Variants in RAB28 observed in about 807,000 individuals in gnomAD.
RAB28 encodes the protein RAB28, member RAS oncogene family.
In RAB28, 24 loss-of-function variants were observed where a neutral mutation model predicts 31.7. The ratio of observed to expected loss-of-function variants is 0.76; its 90% CI spans 0.55 to 1.06. RAB28 has a LOEUF of 1.06. Among genes scored for constraint, RAB28 ranks in the 50% least tolerant of loss-of-function variants. RAB28 has a pLI of 0.00. For synonymous variants in RAB28, 100 were observed against 90.4 expected (o/e 1.11, Z -0.60); for missense variants, 254 against 258.5 (o/e 0.98, Z 0.12).
intron 3 of RAB28, among the ~76,000 whole-genome samples, chr4:13,469,006 T>C (rs1715996660): frequency 1.3e-5 from 2 of 151,970 alleles, no homozygotes; most frequent in African/African-American, 4.8e-5. Flanking sequence ...ACCAAAACTA[T>C]TGACTCTCAG....
intron 4 of RAB28, among the ~76,000 whole-genome samples, chr4:13,437,948 C>T (rs1031645681): frequency 1.3e-5 from 2 of 152,020 alleles, no homozygotes; most frequent in Admixed American, 6.6e-5. Context: ...TCAACCTAGG[C>T]GCACATCAAA....
intron 6 of RAB28, chr4:13,370,972 C>A: frequency 1.0e-6 from 1 of 982,716 alleles, no homozygotes; most frequent in East Asian, 1.1e-4. Context: ...TAGATTTAAA[C>A]CTATCCTCGC....
At chr4:13,390,003 C>T (rs1421154853) in intron 4 of RAB28, among the ~76,000 whole-genome samples, 1 of 152,140 alleles carries the variant, frequency 6.6e-6, no homozygotes, top group Non-Finnish European at 1.5e-5. Flanking sequence ...TGGCACAAGA[C>T]AAGGATTCCT....
intron 2 of RAB28, among the ~76,000 whole-genome samples, chr4:13,477,792 T>C (rs888989600): frequency 6.6e-6 from 1 of 151,500 alleles, no homozygotes; most frequent in Non-Finnish European, 1.5e-5. Flanking sequence ...ATACTATAAA[T>C]CTCGATTTCA....
Position 13,385,381 on chromosome 4 carries a change from A to C in RAB28, c.392-3787T>G, listed in dbSNP as rs553862381. ...CAGTAAGATACTTCACAAGAAGATC[A>C]TCCCCAAGACACATAATCATCAGAT... On this transcript the variant is annotated intron_variant, in intron 4 of 6. Coordinates refer to ENST00000330852, the MANE Select transcript of RAB28 (RefSeq NM_001017979.3). Among the ~76,000 whole-genome samples, 58 of 152,310 alleles carry C rather than the reference A, an allele frequency of 3.8e-4. 1 individual carries two copies. The South Asian group carries it at 0.012, about 30-fold the overall frequency.
intron 4 of RAB28, among the ~76,000 whole-genome samples, chr4:13,458,690 C>A (rs978976521): frequency 4.6e-5 from 7 of 152,092 alleles, no homozygotes; most frequent in Non-Finnish European, 1.0e-4. Context: ...TATAATGGAG[C>A]TTTTATACCG....
chr4:13,433,146 A>G (rs7687705), intron 4 of RAB28, among the ~76,000 whole-genome samples: 8,433 of 151,672 alleles, frequency 0.056, 541 homozygotes, highest in African/African-American at 0.16. Context: ...AAGAAAAAAA[A>G]AAAAGAAAAA....
chr4:13,389,979 T>C (rs1474583230), intron 4 of RAB28, among the ~76,000 whole-genome samples: 2 of 152,168 alleles, frequency 1.3e-5, no homozygotes, highest in Non-Finnish European at 2.9e-5. Context: ...ACTAGAAGCA[T>C]TCCCTTTGAA....
intron 4 of RAB28, among the ~76,000 whole-genome samples, chr4:13,408,948 AATG>A (rs1442516522): frequency 1.3e-5 from 2 of 152,342 alleles, no homozygotes; most frequent in Middle Eastern, 6.8e-3. Context: ...AAAGCATATC[AATG>A]ATATCTTGCA....
chr4:13,406,204 A>C (rs1712075025), intron 4 of RAB28, among the ~76,000 whole-genome samples: 2 of 151,904 alleles, frequency 1.3e-5, no homozygotes, highest in South Asian at 4.2e-4. Context: ...CCCTGTGTCC[A>C]TGTGTTCTTA....
chr4:13,390,808 G>C (rs992081940), intron 4 of RAB28, among the ~76,000 whole-genome samples: 5 of 152,136 alleles, frequency 3.3e-5, no homozygotes, highest in African/African-American at 1.2e-4. Flanking sequence ...ATGGGGAAAG[G>C]ATTCCCTATT....
intron 4 of RAB28, among the ~76,000 whole-genome samples, chr4:13,410,223 G>A (rs1712354805): frequency 6.6e-6 from 1 of 152,082 alleles, no homozygotes; most frequent in Admixed American, 6.6e-5. Context: ...CTTTATAGCA[G>A]TGTAAGAACA....
At chr4:13,386,665 C>T (rs905377455) in intron 4 of RAB28, among the ~76,000 whole-genome samples, 1 of 152,184 alleles carries the variant, frequency 6.6e-6, no homozygotes, top group Non-Finnish European at 1.5e-5. Context: ...TAAATTACTT[C>T]AACCATTGTT....
chr4:13,371,297 G>A (rs567714746), intron 6 of RAB28: 57 of 984,936 alleles, frequency 5.8e-5, no homozygotes, highest in Admixed American at 3.1e-4. Context: ...GGTATGAATC[G>A]GGGGGTACAT....
intron 5 of RAB28, among the ~76,000 whole-genome samples, 197 bp downstream of exon 5, chr4:13,381,294 T>TA (rs1729118100): frequency 6.6e-6 from 1 of 152,096 alleles, no homozygotes; most frequent in African/African-American, 2.4e-5. Context: ...ATTCCCCTTT[T>TA]AAAAATAACT....
chr4:13,388,198 G>A (rs1040368944), intron 4 of RAB28, among the ~76,000 whole-genome samples: 4 of 151,892 alleles, frequency 2.6e-5, no homozygotes, highest in Non-Finnish European at 4.4e-5. Flanking sequence ...AGAATAGAAA[G>A]CCCAGAAATA....
At chr4:13,452,705 A>G (rs1715037064) in intron 4 of RAB28, among the ~76,000 whole-genome samples, 1 of 152,066 alleles carries the variant, frequency 6.6e-6, no homozygotes, top group African/African-American at 2.4e-5. Context: ...ATCCTTGAGA[A>G]ATTTCCTGGT....
At chr4:13,440,605 A>G (rs1714363837) in intron 4 of RAB28, among the ~76,000 whole-genome samples, 1 of 152,154 alleles carries the variant, frequency 6.6e-6, no homozygotes, top group Non-Finnish European at 1.5e-5. Flanking sequence ...ACCTTTCTAC[A>G]TGCTTCTAGC....
At chr4:13,413,670 A>G (rs1266901769) in intron 4 of RAB28, among the ~76,000 whole-genome samples, 1 of 152,232 alleles carries the variant, frequency 6.6e-6, no homozygotes, top group Non-Finnish European at 1.5e-5. Context: ...AACAAAAGAT[A>G]GTAATAAATA....
Sources: gnomAD v4.1 joint callset for allele counts (sites outside exome capture counted in the v4.1 genomes callset) on GRCh38, gnomAD v4.1.1 for gene constraint, MANE v1.5 for transcripts, NCBI Gene and HGNC (gene_info 2026-07-23, HGNC 2026-07-21) for gene names.